The following VANGL1 variants were observed in gnomAD, a reference collection of about 807,000 sequenced individuals.
The protein encoded by VANGL1 is vang-like protein 1.
Under a neutral mutation model 48.4 loss-of-function variants are expected in VANGL1, and 18 were observed. That is an observed-to-expected ratio of 0.37 (90% CI 0.26 to 0.55). The LOEUF (loss-of-function observed/expected upper bound fraction) is 0.55, where lower values mean the gene tolerates loss of function less well. Ranked by LOEUF, VANGL1 falls within the 20% of genes least tolerant of loss-of-function variation. The pLI is 0.81. For missense variants in VANGL1, 667 were observed against 675.8 expected (o/e 0.99, Z 0.14); for synonymous variants, 257 against 261.8 (o/e 0.98, Z 0.18).
chr1:115,645,236 A>G (rs1192323454), intron 1 of VANGL1, among the ~76,000 whole-genome samples: 1 of 152,236 alleles, frequency 6.6e-6, no homozygotes, highest in African/African-American at 2.4e-5. Context: ...TTACTCAGCT[A>G]TAGCTAATAG....
At chr1:115,659,505 CTGTGTG>C (rs58894569) in intron 2 of VANGL1, 130 bp from the exon 3 acceptor site, 211,153 of 956,004 alleles carry the variant, frequency 0.22, 17,411 homozygotes, top group South Asian at 0.39. Context: ...TTTTGATGCT[CTGTGTG>C]TGTGTGTGTG....
At chr1:115,664,827 AAGTT>A (rs1231348851) in intron 4 of VANGL1, among the ~76,000 whole-genome samples, 1 of 152,202 alleles carries the variant, frequency 6.6e-6, no homozygotes. Context: ...GCGTGAGAAA[AAGTT>A]AGAAGTCAGT....
intron 4 of VANGL1, among the ~76,000 whole-genome samples, chr1:115,670,617 T>C (rs1652941490): frequency 1.3e-5 from 2 of 152,318 alleles, no homozygotes; most frequent in Admixed American, 1.3e-4. Flanking sequence ...TCTCTCATGC[T>C]GGGCCACGCC....
chr1:115,685,850 C>T (rs1340196653), intron 7 of VANGL1, among the ~76,000 whole-genome samples: 1 of 152,056 alleles, frequency 6.6e-6, no homozygotes, highest in East Asian at 1.9e-4. Context: ...TCTAACCTGG[C>T]TCCTCCACCA....
At chr1:115,645,114 C>G (rs942047475) in intron 1 of VANGL1, among the ~76,000 whole-genome samples, 1 of 152,182 alleles carries the variant, frequency 6.6e-6, no homozygotes, top group Non-Finnish European at 1.5e-5. Context: ...GCCCATGCCC[C>G]TCCAAATAAA....
At chr1:115,683,386 G>A (rs1470573553) in intron 5 of VANGL1, among the ~76,000 whole-genome samples, 1 of 152,146 alleles carries the variant, frequency 6.6e-6, no homozygotes, top group African/African-American at 2.4e-5. Context: ...TTCATTAACG[G>A]GTCACGTTGC....
chr1:115,679,984 AGTGTGTGTGT>A (rs768501546), intron 4 of VANGL1, among the ~76,000 whole-genome samples: 3,385 of 137,412 alleles, frequency 0.025, 160 homozygotes, highest in African/African-American at 0.086. Flanking sequence ...CACACCAGGG[AGTGTGTGTGT>A]GTGTGTGTGT....
chr1:115,655,554 G>T (rs1021935752), intron 2 of VANGL1, among the ~76,000 whole-genome samples: 1 of 152,118 alleles, frequency 6.6e-6, no homozygotes, highest in African/African-American at 2.4e-5. Context: ...CAGAGATAAA[G>T]ATACGAAGAA....
At position 115,646,614 on chromosome 1, in the gene VANGL1, A is replaced by G. The variant is rs971583700; in HGVS notation, c.-138+4528A>G. On this transcript the variant is annotated intron_variant, in intron 1 of 7. Transcript: ENST00000355485. The stretch of plus-strand genomic sequence containing the variant: ...GATAATTTCTAAAGTTTCTTCCACA[A>G]TGAATCTATGGCCTCATGTCCTAAG... Among the ~76,000 whole-genome samples, 4 of 151,534 alleles carry G rather than the reference A, an allele frequency of 2.6e-5. No homozygotes were observed. The East Asian group carries it at 7.7e-4, about 29-fold the overall frequency.
At chr1:115,682,540 A>G (rs558026608) in intron 5 of VANGL1, 43 bp downstream of exon 5, 2 of 1,613,940 alleles carry the variant, frequency 1.2e-6, no homozygotes, top group African/African-American at 1.3e-5. Flanking sequence ...ACAGGGGCAC[A>G]GTTGGGTGAC....
Position 115,663,834 on chromosome 1 carries a change from C to A in VANGL1, c.378C>A (p.Thr126=). ...TTCTTGGACTTCTAGTTTTCCTCAC[C>A]CCTATTGCCTTCATCCTTTTACCTC... is the stretch of plus-strand genomic sequence containing the variant. ...ASFLGLLVFL[T]PIAFILLPPI... is the part of the protein sequence containing the mutation. The change falls in exon 4 of 8, where the codon ACC becomes ACA. Residue 126 remains threonine, a synonymous_variant. Coordinates refer to ENST00000355485, the MANE Select transcript of VANGL1 (RefSeq NM_138959.3). 1 of 1,614,186 alleles carries A rather than the reference C, an allele frequency of 6.2e-7. No individual in the cohort carries two copies. The highest frequency in any genetic ancestry group is 8.5e-7 in the Non-Finnish European group (1 of 1,180,042).
In VANGL1 at chr1:115,644,041, T is replaced by C. The variant is rs370230937; in HGVS notation, c.-138+1955T>C. 6.6e-5 allele frequency among the ~76,000 whole-genome samples: 10 copies of C among 152,178 alleles called. 1 individual carries two copies. The highest frequency in any genetic ancestry group is 4.1e-4 in the South Asian group (2 of 4,826). On this transcript the variant is annotated intron_variant, in intron 1 of 7. Coordinates refer to ENST00000355485, the MANE Select transcript of VANGL1 (RefSeq NM_138959.3). Reference sequence around the variant, plus strand: ...ATGCTTGGAACACTGAACCTGTGAGTAGAAGTTGAAATTGCAAAATTCTTA... The same window carrying C: ...ATGCTTGGAACACTGAACCTGTGAGCAGAAGTTGAAATTGCAAAATTCTTA...
chr1:115,678,939 G>A (rs746274019), intron 4 of VANGL1, among the ~76,000 whole-genome samples: 9 of 147,568 alleles, frequency 6.1e-5, no homozygotes, highest in South Asian at 2.2e-4. Flanking sequence ...GGGTGACAGC[G>A]GGAGACTGTC....
chr1:115,674,294 G>C (rs1653087990), intron 4 of VANGL1, among the ~76,000 whole-genome samples: 1 of 152,160 alleles, frequency 6.6e-6, no homozygotes, highest in Non-Finnish European at 1.5e-5. Context: ...CACGGTCTCT[G>C]GATCACTTGA....
chr1:115,690,872 T>C (rs918907343), intron 7 of VANGL1, among the ~76,000 whole-genome samples: 2 of 152,146 alleles, frequency 1.3e-5, no homozygotes, highest in African/African-American at 4.8e-5. Context: ...CCTCTGTGGG[T>C]ACCACTATTC....
chr1:115,664,172 T>TAATGG lies in VANGL1; in HGVS notation c.716_717insAATGG (p.Leu240MetfsTer33). ...CTCTTCATCCATTACCTGGCCATCG[T>TAATGG]CCTGCTGGAGCTCAGGCAGCTGCAG... On this transcript the variant is annotated frameshift_variant, in exon 4 of 8. Transcript: ENST00000355485. LOFTEE classifies it high-confidence loss of function. 1 of 1,614,112 alleles carries TAATGG rather than the reference T, an allele frequency of 6.2e-7. No homozygotes were observed. Among genetic ancestry groups the TAATGG allele is most frequent in the Non-Finnish European group, 8.5e-7 (1 of 1,179,942 alleles).
chr1:115,682,605 G>A (rs1000910561), intron 5 of VANGL1, 108 bp downstream of exon 5: 1 of 1,526,064 alleles, frequency 6.6e-7, no homozygotes, highest in African/African-American at 1.4e-5. Flanking sequence ...CTACCTTTAT[G>A]GTACATTCTT....
At chr1:115,661,451 C>G (rs1652542996) in intron 3 of VANGL1, among the ~76,000 whole-genome samples, 1 of 129,832 alleles carries the variant, frequency 7.7e-6, no homozygotes, top group African/African-American at 2.8e-5. Context: ...ATCTCCTGCC[C>G]CCACCCACCC....
chr1:115,642,650 C>G (rs1651777728), intron 1 of VANGL1: 1 of 152,308 alleles, frequency 6.6e-6, no homozygotes, highest in African/African-American at 2.4e-5. Context: ...AAAATTGAGC[C>G]GGCCCTGGAG....
Sources: allele counts gnomAD v4.1 joint callset (sites outside exome capture counted in the v4.1 genomes callset), GRCh38; gene constraint gnomAD v4.1.1; transcripts MANE v1.5; gene names NCBI Gene and HGNC (gene_info 2026-07-23, HGNC 2026-07-21).